PLD3: variants seen among roughly 807,000 people sequenced by gnomAD.
PLD3 encodes the protein 5'-3' exonuclease PLD3.
PLD3 carries 31 observed loss-of-function variants against 58.4 expected under a neutral mutation model. The ratio of observed to expected loss-of-function variants is 0.53; its 90% CI spans 0.40 to 0.72. The LOEUF is 0.72. Among genes scored for constraint, PLD3 ranks in the 30% least tolerant of loss-of-function variants. The pLI is 0.00. For missense variants in PLD3, 595 were observed against 659.8 expected (o/e 0.90, Z 1.08); for synonymous variants, 264 against 273.4 (o/e 0.97, Z 0.34).
chr19:40,368,821 AGATGGAAGGAGGAG>A (rs1329825510), intron 6 of PLD3, among the ~76,000 whole-genome samples: 37 of 152,054 alleles, frequency 2.4e-4, no homozygotes, highest in African/African-American at 8.9e-4. Flanking sequence ...GATACTCAGG[AGATGGAAGGAGGAG>A]GATGGCTTGA....
chr19:40,362,701 G>C (rs955083007), intron 1 of PLD3, among the ~76,000 whole-genome samples: 2 of 152,146 alleles, frequency 1.3e-5, no homozygotes, highest in Non-Finnish European at 2.9e-5. Context: ...GCCTCCCAAA[G>C]TGCTGGGATT....
chr19:40,360,580 TA>T (rs67582213), intron 1 of PLD3: 28,857 of 115,126 alleles, frequency 0.25, 3,114 homozygotes, highest in East Asian at 0.29. Flanking sequence ...GACTCCGTCT[TA>T]AAAAAAAAAA....
chr19:40,377,056 G>GA (rs1454140168), intron 11 of PLD3, among the ~76,000 whole-genome samples: 45 of 147,388 alleles, frequency 3.1e-4, no homozygotes, highest in Middle Eastern at 3.6e-3. Context: ...GGCTGGGATT[G>GA]GGAGCACAGG....
At chr19:40,367,269 TA>T in intron 5 of PLD3, 1 of 265,912 alleles carries the variant, frequency 3.8e-6, no homozygotes, top group Non-Finnish European at 7.1e-6. Context: ...AAATTTTTTT[TA>T]AAAGAAAAGA....
intron 9 of PLD3, among the ~76,000 whole-genome samples, chr19:40,372,220 C>T (rs571116579): frequency 2.2e-4 from 34 of 152,218 alleles, no homozygotes; most frequent in African/African-American, 7.5e-4. Context: ...AGTGGGGTGG[C>T]TTATGCCTGT....
chr19:40,369,779 T>TA (rs1159764022), intron 6 of PLD3, 129 bp from the exon 7 acceptor site: 1 of 792,418 alleles, frequency 1.3e-6, no homozygotes, highest in Non-Finnish European at 1.9e-6. Context: ...GTAAAGTCTT[T>TA]AATCTATGCA....
chr19:40,362,072 G>A (rs1428794978), intron 1 of PLD3, among the ~76,000 whole-genome samples: 1 of 152,058 alleles, frequency 6.6e-6, no homozygotes, highest in African/African-American at 2.4e-5. Flanking sequence ...CCAGACCTCA[G>A]GTGATCCACC....
chr19:40,355,920 C>G (rs1194103954), intron 1 of PLD3: 1 of 152,072 alleles, frequency 6.6e-6, no homozygotes, highest in African/African-American at 2.4e-5. Flanking sequence ...GCTTAGATTT[C>G]TCTAGTTCCA....
intron 1 of PLD3, among the ~76,000 whole-genome samples, chr19:40,361,463 C>T (rs1319725013): frequency 2.0e-5 from 3 of 152,182 alleles, no homozygotes; most frequent in Non-Finnish European, 4.4e-5. Flanking sequence ...TCCTTCCCTG[C>T]TGGGAACCCA....
In PLD3 at chr19:40,367,786, G is replaced by A. The variant is rs748464331; in HGVS notation, c.336G>A (p.Leu112=). 3 of 1,612,060 alleles carry A rather than the reference G, an allele frequency of 1.9e-6. No homozygotes were observed. Among genetic ancestry groups the A allele is most frequent in the Admixed American group, 3.3e-5 (2 of 59,844 alleles). ...CCACCAGCCAGGCCTGGCTGGGCCT[G>A]CTCGCCGGTGCGCACAGCAGCCTGG... is the stretch of plus-strand genomic sequence containing the variant. ...NPSTSQAWLG[L]LAGAHSSLDI... Residue 112 remains leucine (L), a synonymous_variant, in exon 6 of 13, where the codon CTG becomes CTA. Coordinates refer to ENST00000409735, the MANE Select transcript of PLD3 (RefSeq NM_012268.4).
intron 9 of PLD3, among the ~76,000 whole-genome samples, chr19:40,373,592 G>C (rs1174918522): frequency 4.6e-5 from 7 of 151,040 alleles, no homozygotes; most frequent in Non-Finnish European, 1.0e-4. Context: ...AAAAAAAAGG[G>C]GGGGAAGCGG....
chr19:40,349,360 C>T (rs1338489924), intron 1 of PLD3, among the ~76,000 whole-genome samples: 2 of 152,100 alleles, frequency 1.3e-5, no homozygotes, highest in African/African-American at 2.4e-5. Flanking sequence ...TCCAGTTTTC[C>T]CCATAAGGAG....
rs1221296649 is a variant in PLD3, at chr19:40,376,842, G to A, written c.1185+68G>A. On this transcript the variant is annotated intron_variant, in intron 11 of 12. Coordinates refer to ENST00000409735, the MANE Select transcript of PLD3 (RefSeq NM_012268.4). ...AGTCCTAGGGACACAGCCCTCATGG[G>A]ACTCGTCTGTCAATGACAAGGGCAG... 2.8e-6 allele frequency: 4 copies of A among 1,440,044 alleles called. No individual in the cohort carries two copies. In the South Asian group the frequency reaches 3.8e-5, roughly 14 times the overall value. 89.2% of individuals were successfully genotyped at this position (1,440,044 alleles called of 1,614,324 possible). A position where few individuals can be genotyped will look rare whatever the true frequency, so the allele number is the denominator to read the frequency against.
chr19:40,374,296 T>TA (rs1403396827), intron 9 of PLD3, among the ~76,000 whole-genome samples, 185 bp from the exon 10 acceptor site: 1 of 152,176 alleles, frequency 6.6e-6, no homozygotes, highest in East Asian at 1.9e-4. Context: ...GTAAGTCACT[T>TA]ACCCTCTCTG....
chr19:40,364,113 T>C (rs1452407448), intron 1 of PLD3, among the ~76,000 whole-genome samples: 1 of 152,064 alleles, frequency 6.6e-6, no homozygotes, highest in East Asian at 1.9e-4. Context: ...CCCAGCACTT[T>C]GGGAGGCCAA....
In PLD3 at chr19:40,348,787, G is replaced by T. The variant is rs2078396034; in HGVS notation, c.-279+19G>T. On this transcript the variant is annotated intron_variant, in intron 1 of 12. Transcript: ENST00000409735. Reference sequence around the variant, plus strand: ...AGTGCAGGTACTGTGCGATCTGGGGGCGCGGCGCCTCGGCTACCCTCCTCG... The same window carrying T: ...AGTGCAGGTACTGTGCGATCTGGGGTCGCGGCGCCTCGGCTACCCTCCTCG... The T allele has an allele frequency of 3.0e-6, 1 of 328,984 alleles. No individual in the cohort carries two copies. The highest frequency in any genetic ancestry group is 5.6e-6 in the Non-Finnish European group (1 of 179,822). The allele number at this position is 328,984 out of a possible 1,614,324, so 20.4% of individuals were successfully genotyped here.
intron 1 of PLD3, among the ~76,000 whole-genome samples, chr19:40,350,769 A>G (rs942202905): frequency 6.6e-6 from 1 of 151,426 alleles, no homozygotes; most frequent in Non-Finnish European, 1.5e-5. Flanking sequence ...ATCTGGCCTT[A>G]TGGACTGTGT....
chr19:40,361,451 C>T (rs1406749742), intron 1 of PLD3, among the ~76,000 whole-genome samples: 2 of 152,170 alleles, frequency 1.3e-5, no homozygotes, highest in East Asian at 1.9e-4. Flanking sequence ...CAGATCACAT[C>T]ATCCTTCCCT....
At chr19:40,367,003 C>T in intron 5 of PLD3, 88 bp downstream of exon 5, 2 of 1,432,602 alleles carry the variant, frequency 1.4e-6, no homozygotes, top group East Asian at 4.7e-5. Flanking sequence ...TGCACTCAGC[C>T]CTACCCAGCG....
Sources: gnomAD v4.1 joint callset for allele counts (sites outside exome capture counted in the v4.1 genomes callset) on GRCh38, gnomAD v4.1.1 for gene constraint, MANE v1.5 for transcripts, NCBI Gene and HGNC (gene_info 2026-07-23, HGNC 2026-07-21) for gene names.